The following RCBTB1 variants were observed in gnomAD, a reference collection of about 807,000 sequenced individuals.
RCBTB1 encodes RCC1 and BTB domain-containing protein 1.
RCBTB1 carries 46 observed loss-of-function variants against 62.4 expected under a neutral mutation model. The ratio of observed to expected loss-of-function variants is 0.74; its 90% CI spans 0.58 to 0.94. RCBTB1 has a LOEUF of 0.94. Among genes scored for constraint, RCBTB1 ranks in the 40% least tolerant of loss-of-function variants. The probability of loss-of-function intolerance (pLI) is 0.00; values close to 1 mark genes in which losing one functional copy is unlikely to be tolerated. For missense variants in RCBTB1, 565 were observed against 654.9 expected (o/e 0.86, Z 1.50); for synonymous variants, 222 against 245.8 (o/e 0.90, Z 0.91).
intron 4 of RCBTB1, 86 bp downstream of exon 4, chr13:49,566,532 A>T: frequency 8.0e-7 from 1 of 1,243,614 alleles, no homozygotes; most frequent in Non-Finnish European, 1.1e-6. Flanking sequence ...AAAATCAGTT[A>T]TCTGGTATAG....
chr13:49,541,570 C>T, intron 11 of RCBTB1, 106 bp downstream of exon 11: 3 of 1,065,330 alleles, frequency 2.8e-6, no homozygotes, highest in Non-Finnish European at 3.9e-6. Context: ...TTTTAAGCAC[C>T]AAATTAAAGC....
rs144982453 is a variant in RCBTB1, at chr13:49,545,655, C to A, written c.1046-792G>T. Among the ~76,000 whole-genome samples, 41 of 152,276 alleles carry A rather than the reference C, an allele frequency of 2.7e-4. No individual in the cohort carries two copies. In the East Asian group the frequency reaches 7.7e-3, roughly 29 times the overall value. On this transcript the variant is annotated intron_variant, in intron 9 of 12. Coordinates refer to ENST00000378302, the MANE Select transcript of RCBTB1 (RefSeq NM_018191.4). ...AAAGAAGAAAAGAAGCAGAAAAGGGCTAATGGGGAAATTTTTTTAAATTCC... is the reference window on the plus strand; with the variant it reads ...AAAGAAGAAAAGAAGCAGAAAAGGGATAATGGGGAAATTTTTTTAAATTCC...
At chr13:49,584,997 G>C (rs1964312769) in intron 1 of RCBTB1, among the ~76,000 whole-genome samples, 1 of 152,174 alleles carries the variant, frequency 6.6e-6, no homozygotes, top group African/African-American at 2.4e-5. Flanking sequence ...AAACGATAAA[G>C]AATACGGTTT....
At position 49,555,545 on chromosome 13, in the gene RCBTB1, A is replaced by G. The variant is rs773612598; in HGVS notation, c.573T>C (p.Thr191=). The change falls in exon 6 of 13, where the codon ACT becomes ACC. Residue 191 remains threonine, a synonymous_variant. Transcript: ENST00000378302. ...CATTGTCCAGAACAGCCATGGATGA[A>G]GTCTGACCACAGGCAATGCCAACTA... ...KRVVGIACGQ[T]SSMAVLDNGE... is the part of the protein sequence containing the mutation. 9 of 1,613,916 alleles carry G rather than the reference A, an allele frequency of 5.6e-6. No individual in the cohort carries two copies. The South Asian group carries it at 9.9e-5, about 18-fold the overall frequency.
intron 1 of RCBTB1, among the ~76,000 whole-genome samples, chr13:49,585,166 A>G (rs559355415): frequency 6.6e-6 from 1 of 152,304 alleles, no homozygotes; most frequent in Admixed American, 6.5e-5. Flanking sequence ...ACCTCAAAAA[A>G]GAGAGGGAGG....
chr13:49,547,852 G>A (rs113721606), intron 9 of RCBTB1, among the ~76,000 whole-genome samples: 80 of 152,176 alleles, frequency 5.3e-4, no homozygotes, highest in African/African-American at 1.7e-3. Flanking sequence ...GCAGTGGTGC[G>A]ACCACAGTTC....
At chr13:49,547,418 T>A (rs1284274561) in intron 9 of RCBTB1, among the ~76,000 whole-genome samples, 1 of 152,192 alleles carries the variant, frequency 6.6e-6, no homozygotes, top group Admixed American at 6.5e-5. Context: ...TGCCAAGAAC[T>A]ACATTAATTT....
intron 9 of RCBTB1, among the ~76,000 whole-genome samples, 186 bp from the exon 10 acceptor site, chr13:49,545,049 AAAG>A (rs1210024681): frequency 6.6e-6 from 1 of 152,124 alleles, no homozygotes; most frequent in Admixed American, 6.5e-5. Context: ...ATAAACTACC[AAAG>A]AAAACCACCA....
chr13:49,553,337 G>A (rs1233974523), intron 6 of RCBTB1, among the ~76,000 whole-genome samples: 1 of 152,188 alleles, frequency 6.6e-6, no homozygotes, highest in East Asian at 1.9e-4. Context: ...TATAAGGCTA[G>A]AGGCAGGAAG....
intron 9 of RCBTB1, among the ~76,000 whole-genome samples, chr13:49,545,567 A>G (rs1015250656): frequency 6.6e-6 from 1 of 152,224 alleles, no homozygotes; most frequent in South Asian, 2.1e-4. Flanking sequence ...CTGTGTTACT[A>G]CAAGGAAAAG....
intron 1 of RCBTB1, among the ~76,000 whole-genome samples, chr13:49,581,951 A>T (rs924024069): frequency 6.6e-6 from 1 of 152,276 alleles, no homozygotes; most frequent in Admixed American, 6.5e-5. Context: ...AAAGGAAACC[A>T]TGAGTATAAA....
intron 4 of RCBTB1, among the ~76,000 whole-genome samples, chr13:49,564,551 C>G (rs1452597501): frequency 7.7e-6 from 1 of 130,098 alleles, no homozygotes; most frequent in Non-Finnish European, 1.6e-5. Context: ...TGCCACTGCA[C>G]TCCAGCCTGG....
chr13:49,542,056 A>T (rs970270734), intron 10 of RCBTB1, among the ~76,000 whole-genome samples: 16 of 152,174 alleles, frequency 1.1e-4, no homozygotes, highest in African/African-American at 3.6e-4. Context: ...CTCTACTAAA[A>T]ATACAAAATT....
chr13:49,551,223 TAATA>T (rs1961310023), intron 8 of RCBTB1, 99 bp downstream of exon 8: 1 of 1,353,692 alleles, frequency 7.4e-7, no homozygotes, highest in South Asian at 1.4e-5. Flanking sequence ...ATGAGAATGT[TAATA>T]AACAGAAGAA....
In RCBTB1 at chr13:49,541,553, A is replaced by C. The variant is rs537279024; in HGVS notation, c.1324+123T>G. On this transcript the variant is annotated intron_variant, in intron 11 of 12. Coordinates refer to ENST00000378302, the MANE Select transcript of RCBTB1 (RefSeq NM_018191.4). ...TACTACTTTTAAAGATACTTACTTCAAATCTTTTTTAAGCACCAAATTAAA... is the reference window on the plus strand; with the variant it reads ...TACTACTTTTAAAGATACTTACTTCCAATCTTTTTTAAGCACCAAATTAAA... The C allele has an allele frequency of 1.8e-5, 16 of 886,278 alleles. No homozygotes were observed. In the South Asian group the frequency reaches 3.8e-4, roughly 21 times the overall value. The allele number at this position is 886,278 out of a possible 1,614,324, so 54.9% of individuals were successfully genotyped here.
At position 49,581,234 on chromosome 13, in the gene RCBTB1, T is replaced by C. The variant is rs77132938; in HGVS notation, c.-121-650A>G. ...TGCTTAGAGGAAGTCCAGATGGCTA[T>C]GGTAAGCCAGAAAAGAAGGGATTGA... On this transcript the variant is annotated intron_variant, in intron 1 of 12. Transcript: ENST00000378302. Among the ~76,000 whole-genome samples, 46 of 150,312 alleles carry C rather than the reference T, an allele frequency of 3.1e-4. No individual in the cohort carries two copies. The East Asian group carries it at 9.1e-3, about 30-fold the overall frequency.
intron 2 of RCBTB1, among the ~76,000 whole-genome samples, chr13:49,568,960 A>C (rs1203007659): frequency 1.3e-5 from 2 of 152,202 alleles, no homozygotes; most frequent in African/African-American, 4.8e-5. Context: ...AATAATTGCA[A>C]CAATAACAAC....
intron 1 of RCBTB1, among the ~76,000 whole-genome samples, chr13:49,584,690 A>C (rs796575516): frequency 1.7e-4 from 26 of 152,358 alleles, no homozygotes; most frequent in African/African-American, 6.3e-4. Context: ...AAAGCAAGGA[A>C]GATCATGAAT....
At chr13:49,543,708 T>C (rs1960576185) in intron 10 of RCBTB1, among the ~76,000 whole-genome samples, 1 of 152,196 alleles carries the variant, frequency 6.6e-6, no homozygotes, top group South Asian at 2.1e-4. Context: ...AAAACTTTTT[T>C]TTTCATTTTT....
Sources: gnomAD v4.1 joint callset for allele counts (sites outside exome capture counted in the v4.1 genomes callset) on GRCh38, gnomAD v4.1.1 for gene constraint, MANE v1.5 for transcripts, NCBI Gene and HGNC (gene_info 2026-07-23, HGNC 2026-07-21) for gene names.